KCNK13: variants seen among roughly 807,000 people sequenced by gnomAD.
The protein encoded by KCNK13 is potassium two pore domain channel subfamily K member 13.
KCNK13 carries 12 observed loss-of-function variants against 23.4 expected under a neutral mutation model. That is an observed-to-expected ratio of 0.51 (90% CI 0.33 to 0.83). KCNK13 has a LOEUF of 0.83. Among genes scored for constraint, KCNK13 ranks in the 40% least tolerant of loss-of-function variants. The pLI is 0.02. For synonymous variants in KCNK13, 231 were observed against 229.5 expected, an observed-to-expected ratio of 1.01 and a Z score of -0.06; for missense variants, 463 against 556.3, an observed-to-expected ratio of 0.83 and a Z score of 1.69.
At position 90,184,281 on chromosome 14, in the gene KCNK13, G is replaced by C. The variant is rs1194970001; in HGVS notation, c.505G>C (p.Gly169Arg). The C allele has an allele frequency of 6.2e-7, 1 of 1,614,220 alleles. No individual in the cohort carries two copies. Among genetic ancestry groups the C allele is most frequent in the Non-Finnish European group, 8.5e-7 (1 of 1,180,030 alleles). ...SCHQRQLRRR[G>R]ALPQESLKDA... ...CCACCAGCGGCAGCTCCGGAGACGA[G>C]GGGCCCTGCCCCAGGAGAGCCTGAA... Residue 169 changes from glycine to arginine, a missense_variant, in exon 2 of 2, where the codon GGG (glycine) becomes CGG (arginine). Around this residue, in one of 3 missense-constraint regions of KCNK13, gnomAD observed 144 missense variants for 224.0 expected, o/e 0.64. Coordinates refer to ENST00000282146, the MANE Select transcript of KCNK13 (RefSeq NM_022054.4). This position sits in a 1 kb window ranked among gnomAD's most constrained non-coding sequence, Gnocchi z 5.6.
intron 1 of KCNK13, among the ~76,000 whole-genome samples, chr14:90,065,436 T>G (rs1033969100): frequency 2.6e-5 from 4 of 152,102 alleles, no homozygotes; most frequent in Non-Finnish European, 5.9e-5. Context: ...AGAATTTGAG[T>G]GTAAGCAGTT....
At chr14:90,128,797 CCT>C (rs1889833136) in intron 1 of KCNK13, among the ~76,000 whole-genome samples, 1 of 152,150 alleles carries the variant, frequency 6.6e-6, no homozygotes, top group South Asian at 2.1e-4. Flanking sequence ...TCCCCATTCC[CCT>C]TTTTTAAAAA....
intron 1 of KCNK13, among the ~76,000 whole-genome samples, chr14:90,157,617 G>A (rs1286207179): frequency 6.6e-6 from 1 of 151,266 alleles, no homozygotes; most frequent in African/African-American, 2.4e-5. Flanking sequence ...GGCTGGTCTC[G>A]AACTCCTGGA....
At chr14:90,075,993 C>T (rs1235128335) in intron 1 of KCNK13, among the ~76,000 whole-genome samples, 3 of 152,194 alleles carry the variant, frequency 2.0e-5, no homozygotes, top group Admixed American at 6.5e-5. Context: ...CCATTTAATA[C>T]TTAGTGGAGT....
At chr14:90,127,270 C>T (rs558223312) in intron 1 of KCNK13, among the ~76,000 whole-genome samples, 1 of 152,022 alleles carries the variant, frequency 6.6e-6, no homozygotes, top group African/African-American at 2.4e-5. Flanking sequence ...AGTGTATGCA[C>T]CTTAAAATGT....
At chr14:90,122,688 GC>G (rs1355212870) in intron 1 of KCNK13, among the ~76,000 whole-genome samples, 1 of 151,850 alleles carries the variant, frequency 6.6e-6, no homozygotes, top group Non-Finnish European at 1.5e-5. Context: ...TCACAAACTG[GC>G]CCGAGGCACT....
At chr14:90,132,694 T>A (rs976933714) in intron 1 of KCNK13, among the ~76,000 whole-genome samples, 1 of 152,160 alleles carries the variant, frequency 6.6e-6, no homozygotes, top group South Asian at 2.1e-4. Flanking sequence ...GGTTGTACAA[T>A]GTGAATGTAC....
At chr14:90,141,804 G>GT (rs397818294) in intron 1 of KCNK13, among the ~76,000 whole-genome samples, 1 of 143,282 alleles carries the variant, frequency 7.0e-6, no homozygotes, top group Non-Finnish European at 1.5e-5. Flanking sequence ...TGGGGGGGGG[G>GT]ACGGAGCCTT....
intron 1 of KCNK13, among the ~76,000 whole-genome samples, chr14:90,155,488 C>T (rs1055895555): frequency 5.3e-5 from 8 of 152,112 alleles, no homozygotes; most frequent in African/African-American, 1.9e-4. Flanking sequence ...AAGGATGGCT[C>T]TGGCTGCTGC....
intron 1 of KCNK13, among the ~76,000 whole-genome samples, chr14:90,105,772 T>A (rs1353478923): frequency 6.6e-6 from 1 of 152,230 alleles, no homozygotes; most frequent in Non-Finnish European, 1.5e-5. Flanking sequence ...GTTTATTTTA[T>A]AGCTGTAATT....
intron 1 of KCNK13, among the ~76,000 whole-genome samples, chr14:90,136,832 AC>A (rs1201861609): frequency 6.6e-6 from 1 of 152,090 alleles, no homozygotes; most frequent in Non-Finnish European, 1.5e-5. Context: ...TCAAATACAG[AC>A]CCAGTATTTG....
chr14:90,185,018 T>A lies in KCNK13; in HGVS notation c.*15T>A, dbSNP rs1342786518. 6.4e-7 allele frequency: 1 copy of A among 1,554,382 alleles called. No homozygotes were observed. Among genetic ancestry groups the A allele is most frequent in the South Asian group, 1.2e-5 (1 of 82,836 alleles). On this transcript the variant is annotated 3_prime_UTR_variant, in exon 2 of 2. Transcript: ENST00000282146. Reference sequence around the variant, plus strand: ...GGGACAGGTAGAAGCCAGGAGTGGATGCTGGGCAGAGGCCAGAGTAGAATG... The same window carrying A: ...GGGACAGGTAGAAGCCAGGAGTGGAAGCTGGGCAGAGGCCAGAGTAGAATG...
intron 1 of KCNK13, among the ~76,000 whole-genome samples, chr14:90,098,479 TCA>T (rs920190578): frequency 2.6e-5 from 4 of 152,098 alleles, no homozygotes; most frequent in African/African-American, 9.7e-5. Context: ...GCATAGTGGC[TCA>T]CGCCTGTAAT....
At chr14:90,155,351 T>G (rs1230749465) in intron 1 of KCNK13, among the ~76,000 whole-genome samples, 1 of 151,334 alleles carries the variant, frequency 6.6e-6, no homozygotes, top group East Asian at 1.9e-4. Flanking sequence ...AATTTAGAGG[T>G]AGGATTGGGG....
At chr14:90,092,665 C>T (rs938818010) in intron 1 of KCNK13, among the ~76,000 whole-genome samples, 1 of 152,084 alleles carries the variant, frequency 6.6e-6, no homozygotes, top group African/African-American at 2.4e-5. Flanking sequence ...CTTGGTGGCT[C>T]ATGCCTATAA....
At chr14:90,163,342 G>A (rs565716934) in intron 1 of KCNK13, among the ~76,000 whole-genome samples, 1 of 152,280 alleles carries the variant, frequency 6.6e-6, no homozygotes, top group East Asian at 1.9e-4. Context: ...TAGAAATTAT[G>A]TCATCAGAAG....
intron 1 of KCNK13, among the ~76,000 whole-genome samples, chr14:90,113,982 G>A (rs573529222): frequency 7.9e-4 from 120 of 152,106 alleles, no homozygotes; most frequent in African/African-American, 2.8e-3. Context: ...AACCTAGAGG[G>A]ATGTACAAGA....
intron 1 of KCNK13, among the ~76,000 whole-genome samples, chr14:90,117,155 A>T (rs1889686294): frequency 6.6e-6 from 1 of 152,202 alleles, no homozygotes; most frequent in Non-Finnish European, 1.5e-5. Flanking sequence ...GCAGCAGTGG[A>T]TCTGATAGCC....
chr14:90,171,697 G>A (rs980629436), intron 1 of KCNK13, among the ~76,000 whole-genome samples: 4 of 152,184 alleles, frequency 2.6e-5, no homozygotes, highest in African/African-American at 9.7e-5. Context: ...TCATAGGTAG[G>A]TGAGAGACAA....
Sources: gnomAD v4.1 joint callset for allele counts (sites outside exome capture counted in the v4.1 genomes callset) on GRCh38, gnomAD v4.1.1 for gene constraint, gnomAD v4.1.1 regional missense constraint, Gnocchi (gnomAD v3.1) non-coding constraint, MANE v1.5 for transcripts, NCBI Gene and HGNC (gene_info 2026-07-23, HGNC 2026-07-21) for gene names.